Variants in KLHL25 observed in about 807,000 individuals in gnomAD.
KLHL25 encodes kelch like family member 25, also known as kelch-like protein 25.
Under a neutral mutation model 30.0 loss-of-function variants are expected in KLHL25, and 41 were observed. That is an observed-to-expected ratio of 1.37 (90% CI 1.07 to 1.78). KLHL25 has a LOEUF of 1.78. KLHL25 is among the 40% of genes most tolerant of loss of function. The pLI is 0.00. For missense variants in KLHL25, 971 were observed against 824.5 expected (o/e 1.18, Z -2.18); for synonymous variants, 399 against 355.3 (o/e 1.12, Z -1.38).
intron 1 of KLHL25, among the ~76,000 whole-genome samples, chr15:85,777,813 C>A (rs537501927): frequency 6.6e-6 from 1 of 152,180 alleles, no homozygotes; most frequent in African/African-American, 2.4e-5. Context: ...GGGGTCAAGG[C>A]CTGTGAAACT....
At chr15:85,788,992 A>C (rs968747005) in intron 1 of KLHL25, among the ~76,000 whole-genome samples, 1 of 152,206 alleles carries the variant, frequency 6.6e-6, no homozygotes, top group Non-Finnish European at 1.5e-5. Flanking sequence ...GGCCAACAGC[A>C]AACCTGGCTG....
At chr15:85,794,376 G>A (rs2089837534) in intron 1 of KLHL25, among the ~76,000 whole-genome samples, 1 of 152,228 alleles carries the variant, frequency 6.6e-6, no homozygotes, top group Admixed American at 6.5e-5. Flanking sequence ...ATCGCCGCTC[G>A]CGTCCTCAAA....
rs911470912 is a variant in KLHL25 at position 85,769,493 on chromosome 15, G to A, written c.318C>T (p.Tyr106=). ...EVLELLLDFA[Y]SSRIAINEEN... Reference sequence around the variant, plus strand: ...CCTCGTTGATGGCGATGCGTGAGGAGTAGGCAAAGTCCAGCAGCAGCTCCA... The same window carrying A: ...CCTCGTTGATGGCGATGCGTGAGGAATAGGCAAAGTCCAGCAGCAGCTCCA... Residue 106 remains tyrosine, a synonymous_variant, in exon 2 of 3, where the codon TAC becomes TAT. Transcript: ENST00000337975. 7.4e-6 allele frequency: 12 copies of A among 1,614,058 alleles called. No individual in the cohort carries two copies. The South Asian group carries it at 1.3e-4, about 18-fold the overall frequency.
intron 2 of KLHL25, among the ~76,000 whole-genome samples, chr15:85,766,650 G>A (rs34902084): frequency 1.1e-3 from 161 of 152,312 alleles, no homozygotes; most frequent in Non-Finnish European, 1.5e-3. Context: ...TGCTCCCAGT[G>A]TCTCTGTCCC....
At chr15:85,770,295 C>T (rs2089662410) in intron 1 of KLHL25, among the ~76,000 whole-genome samples, 1 of 152,194 alleles carries the variant, frequency 6.6e-6, no homozygotes, top group Non-Finnish European at 1.5e-5. Flanking sequence ...AAGAAACTAC[C>T]CAAACTGCCA....
At chr15:85,793,379 A>G (rs1489464168) in intron 1 of KLHL25, among the ~76,000 whole-genome samples, 1 of 152,158 alleles carries the variant, frequency 6.6e-6, no homozygotes, top group Non-Finnish European at 1.5e-5. Context: ...AATAGCTGCC[A>G]GGCCGGAAAA....
rs1395384825 is a variant in KLHL25, at chr15:85,794,878, A to G, written c.-123T>C. The G allele has an allele frequency of 3.3e-5, 5 of 152,114 alleles. No homozygotes were observed. Among genetic ancestry groups the G allele is most frequent in the African/African-American group, 1.2e-4 (5 of 41,402 alleles). The allele number at this position is 152,114 out of a possible 1,614,324, so 9.4% of individuals were successfully genotyped here. On this transcript the variant is annotated 5_prime_UTR_variant, in exon 1 of 3. Coordinates refer to ENST00000337975, the MANE Select transcript of KLHL25 (RefSeq NM_022480.4). ...GTCGGCCGGCTCTCCACAGGCAAAA[A>G]CGCTCTCGCTGCGATACAGCCTAGG...
chr15:85,783,211 C>T (rs144265723), intron 1 of KLHL25, among the ~76,000 whole-genome samples: 1 of 152,290 alleles, frequency 6.6e-6, no homozygotes, highest in East Asian at 1.9e-4. Context: ...AGCTATTCTC[C>T]TGCTTCAGCC....
At chr15:85,765,815 A>G (rs2089619308) in intron 2 of KLHL25, among the ~76,000 whole-genome samples, 1 of 145,246 alleles carries the variant, frequency 6.9e-6, no homozygotes, top group Non-Finnish European at 1.5e-5. Flanking sequence ...TGGGTGACAG[A>G]GCGAGACTGT....
chr15:85,774,641 C>T (rs545475896), intron 1 of KLHL25, among the ~76,000 whole-genome samples: 22 of 152,276 alleles, frequency 1.4e-4, no homozygotes, highest in African/African-American at 4.8e-4. Flanking sequence ...CAGCACTAAC[C>T]CCTTCCCACC....
At chr15:85,770,671 G>A (rs563925373) in intron 1 of KLHL25, 41 of 426,376 alleles carry the variant, frequency 9.6e-5, no homozygotes, top group African/African-American at 5.6e-4. Flanking sequence ...GAACCCTAAC[G>A]GAAGTGATCC....
At chr15:85,777,556 C>T (rs1227585491) in intron 1 of KLHL25, among the ~76,000 whole-genome samples, 1 of 152,238 alleles carries the variant, frequency 6.6e-6, no homozygotes, top group Non-Finnish European at 1.5e-5. Flanking sequence ...CCACATGCTC[C>T]AGCCTTTTCA....
intron 1 of KLHL25, among the ~76,000 whole-genome samples, chr15:85,773,054 G>A (rs2089687654): frequency 6.6e-6 from 1 of 152,254 alleles, no homozygotes. Flanking sequence ...CCCAAGTGAG[G>A]CACTGGAGCC....
intron 1 of KLHL25, among the ~76,000 whole-genome samples, chr15:85,791,036 C>A (rs1393969715): frequency 2.7e-5 from 4 of 150,642 alleles, no homozygotes; most frequent in Non-Finnish European, 5.9e-5. Context: ...CCTGTCTCTA[C>A]TAAAAATACA....
intron 1 of KLHL25, among the ~76,000 whole-genome samples, chr15:85,783,236 G>A (rs576147871): frequency 1.3e-5 from 2 of 152,002 alleles, no homozygotes; most frequent in Non-Finnish European, 2.9e-5. Context: ...AAGTAGCTGG[G>A]ATTACCACGG....
At chr15:85,791,794 T>C (rs1211208263) in intron 1 of KLHL25, among the ~76,000 whole-genome samples, 3 of 152,196 alleles carry the variant, frequency 2.0e-5, no homozygotes, top group Non-Finnish European at 2.9e-5. Context: ...CTGCATAGTA[T>C]GGTGGTTAAC....
rs1214929049 is a variant in KLHL25 at position 85,768,748 on chromosome 15, A to G, written c.1063T>C (p.Ser355Pro). Residue 355 changes from serine (S) to proline (P), a missense_variant, in exon 2 of 3, where the codon TCC (serine) becomes CCC (proline). By Grantham distance (74) the Ser-to-Pro change is moderately conservative (BLOSUM62 -1). Transcript: ENST00000337975. ...TGGRGSENGV[S>P]KDVWVYDTVH... is the part of the protein sequence containing the mutation. ...GTGTCGTACACCCAGACATCCTTGG[A>G]GACCCCGTTCTCGGAGCCCCTGCCC... 3.7e-6 allele frequency: 6 copies of G among 1,613,058 alleles called. No individual in the cohort carries two copies. The highest frequency in any genetic ancestry group is 1.3e-5 in the African/African-American group (1 of 74,944).
chr15:85,783,521 C>T (rs1308830806), intron 1 of KLHL25, among the ~76,000 whole-genome samples: 1 of 151,762 alleles, frequency 6.6e-6, no homozygotes, highest in Non-Finnish European at 1.5e-5. Flanking sequence ...GTGAAACCCC[C>T]TCTCTACTAA....
chr15:85,768,697 C>A lies in KLHL25; in HGVS notation c.1114G>T (p.Ala372Ser), dbSNP rs768210125. 6.2e-6 allele frequency: 10 copies of A among 1,613,248 alleles called. No homozygotes were observed. In the Admixed American group the frequency reaches 1.7e-4, roughly 27 times the overall value. Reference sequence around the variant, plus strand: ...CCAAAGCGGGCAATCAGCATGGGCGCCGCCTTGGACCATTCCTCATGTACG... The same window carrying A: ...CCAAAGCGGGCAATCAGCATGGGCGACGCCTTGGACCATTCCTCATGTACG... Reference protein sequence around the residue: ...DTVHEEWSKAAPMLIARFGHG... With the variant: ...DTVHEEWSKASPMLIARFGHG... Residue 372 changes from alanine to serine, a missense_variant, in exon 2 of 3, where the codon GCG becomes TCG. By Grantham distance (99) the Ala-to-Ser change is moderately conservative. Coordinates refer to ENST00000337975, the MANE Select transcript of KLHL25 (RefSeq NM_022480.4).
Sources: gnomAD v4.1 joint callset for allele counts (sites outside exome capture counted in the v4.1 genomes callset) on GRCh38, gnomAD v4.1.1 for gene constraint, MANE v1.5 for transcripts, NCBI Gene and HGNC (gene_info 2026-07-23, HGNC 2026-07-21) for gene names.